Variants in SERGEF observed in about 807,000 individuals in gnomAD.
SERGEF encodes secretion-regulating guanine nucleotide exchange factor.
SERGEF carries 51 observed loss-of-function variants against 50.0 expected under a neutral mutation model. That is an observed-to-expected ratio of 1.02 (90% confidence interval 0.81 to 1.29). SERGEF has a LOEUF of 1.29. SERGEF is among the 50% of genes most tolerant of loss of function. The probability of loss-of-function intolerance (pLI) is 0.00; values close to 1 mark genes in which losing one functional copy is unlikely to be tolerated. For missense variants in SERGEF, 521 were observed against 557.0 expected (o/e 0.94, Z 0.65); for synonymous variants, 205 against 212.4 (o/e 0.97, Z 0.30).
chr11:17,843,753 A>C (rs956957692), intron 10 of SERGEF, among the ~76,000 whole-genome samples: 1 of 152,098 alleles, frequency 6.6e-6, no homozygotes, highest in African/African-American at 2.4e-5. Context: ...GGATAAAGAG[A>C]TGGGTAAGAT....
rs529051162 is a variant in SERGEF, at chr11:17,853,077, A to C, written c.1048+25131T>G. Among the ~76,000 whole-genome samples the C allele has an allele frequency of 4.6e-5, 7 of 152,284 alleles. No individual in the cohort carries two copies. The South Asian group carries it at 1.5e-3, about 32-fold the overall frequency. ...ATTTTTCAAGTCCCACCTTAGATATATACTACTACATAATTGTGTGACCCT... is the reference window on the plus strand; with the variant it reads ...ATTTTTCAAGTCCCACCTTAGATATCTACTACTACATAATTGTGTGACCCT... On this transcript the variant is annotated intron_variant, in intron 10 of 10. Transcript: ENST00000265965.
intron 9 of SERGEF, among the ~76,000 whole-genome samples, chr11:17,956,636 T>C (rs900157867): frequency 2.0e-5 from 3 of 152,176 alleles, no homozygotes; most frequent in Non-Finnish European, 4.4e-5. Context: ...CTCTCCTGCT[T>C]GGCTATCCTT....
At chr11:17,992,164 C>A (rs574378750) in intron 7 of SERGEF, among the ~76,000 whole-genome samples, 1 of 152,072 alleles carries the variant, frequency 6.6e-6, no homozygotes, top group African/African-American at 2.4e-5. Context: ...GATAAAAAAA[C>A]AGTTAAGACA....
At chr11:17,838,576 TC>T (rs1246193240) in intron 10 of SERGEF, among the ~76,000 whole-genome samples, 1 of 152,094 alleles carries the variant, frequency 6.6e-6, no homozygotes, top group East Asian at 1.9e-4. Flanking sequence ...ATCATCACCC[TC>T]CCAGGGAGAT....
chr11:17,846,325 C>A (rs1333242812), intron 10 of SERGEF, among the ~76,000 whole-genome samples: 3 of 152,170 alleles, frequency 2.0e-5, no homozygotes, highest in African/African-American at 7.2e-5. Flanking sequence ...CACGGCAGAA[C>A]AAGTGGGGCA....
intron 9 of SERGEF, among the ~76,000 whole-genome samples, chr11:17,895,198 C>T (rs928664210): frequency 2.0e-5 from 3 of 152,226 alleles, no homozygotes; most frequent in South Asian, 2.1e-4. Flanking sequence ...AGCCCCTCAC[C>T]GTAAGGATCA....
intron 10 of SERGEF, among the ~76,000 whole-genome samples, chr11:17,877,273 T>C (rs1251156079): frequency 1.3e-5 from 2 of 152,160 alleles, no homozygotes; most frequent in Non-Finnish European, 2.9e-5. Context: ...AGTCCTAAAA[T>C]ATCAGAGCTG....
chr11:17,996,243 AG>A (rs1238439980), intron 5 of SERGEF, among the ~76,000 whole-genome samples: 2 of 152,184 alleles, frequency 1.3e-5, no homozygotes, highest in Non-Finnish European at 2.9e-5. Flanking sequence ...CTCAGATCCC[AG>A]ACAAAGCAGA....
At chr11:17,892,916 T>G (rs2133912168) in intron 9 of SERGEF, among the ~76,000 whole-genome samples, 1 of 152,360 alleles carries the variant, frequency 6.6e-6, no homozygotes, top group South Asian at 2.1e-4. Flanking sequence ...TGGTGATTTA[T>G]GGCTTGGACA....
intron 9 of SERGEF, among the ~76,000 whole-genome samples, chr11:17,901,746 C>CATA (rs1851752326): frequency 6.6e-6 from 1 of 152,174 alleles, no homozygotes; most frequent in East Asian, 1.9e-4. Context: ...TTGACAGCAC[C>CATA]ATAACTACAG....
chr11:17,960,269 G>A (rs1852969857), intron 8 of SERGEF, among the ~76,000 whole-genome samples: 1 of 152,186 alleles, frequency 6.6e-6, no homozygotes, highest in Admixed American at 6.5e-5. Context: ...AAACCATTTG[G>A]AGCCAGAAAA....
chr11:17,946,293 C>G (rs1447925323), intron 9 of SERGEF, among the ~76,000 whole-genome samples: 1 of 152,170 alleles, frequency 6.6e-6, no homozygotes, highest in East Asian at 1.9e-4. Flanking sequence ...TAACGACCAC[C>G]ACTGAGTCTC....
intron 10 of SERGEF, among the ~76,000 whole-genome samples, chr11:17,807,122 A>G (rs537448429): frequency 3.4e-4 from 52 of 152,162 alleles, no homozygotes; most frequent in Non-Finnish European, 5.7e-4. Context: ...TGTCTCCACA[A>G]CTTGCTCTGT....
At chr11:17,934,417 G>A (rs1159539535) in intron 9 of SERGEF, among the ~76,000 whole-genome samples, 3 of 152,048 alleles carry the variant, frequency 2.0e-5, no homozygotes, top group Non-Finnish European at 4.4e-5. Flanking sequence ...GTTCAATCTA[G>A]TTATTCATTC....
At chr11:17,855,510 T>A (rs1850801492) in intron 10 of SERGEF, 1 of 152,192 alleles carries the variant, frequency 6.6e-6, no homozygotes, top group Non-Finnish European at 1.5e-5. Flanking sequence ...ATATATTTGC[T>A]ATTTTTTCCT....
At chr11:17,834,554 A>G (rs1232057871) in intron 10 of SERGEF, among the ~76,000 whole-genome samples, 2 of 152,216 alleles carry the variant, frequency 1.3e-5, no homozygotes, top group Non-Finnish European at 2.9e-5. Flanking sequence ...ATAGAATTAA[A>G]TATATAAATG....
intron 9 of SERGEF, among the ~76,000 whole-genome samples, chr11:17,947,095 T>C (rs1852678006): frequency 6.6e-6 from 1 of 152,226 alleles, no homozygotes; most frequent in Non-Finnish European, 1.5e-5. Context: ...TACAATCAAA[T>C]ACTAATAGGT....
At chr11:17,963,304 G>T (rs1490757595) in intron 8 of SERGEF, among the ~76,000 whole-genome samples, 1 of 143,346 alleles carries the variant, frequency 7.0e-6, no homozygotes, top group African/African-American at 2.6e-5. Flanking sequence ...AAGTGCCATG[G>T]CTGGATCTGG....
intron 9 of SERGEF, among the ~76,000 whole-genome samples, chr11:17,957,939 T>C (rs1029119892): frequency 6.6e-6 from 1 of 152,160 alleles, no homozygotes; most frequent in African/African-American, 2.4e-5. Flanking sequence ...GTACAACTTG[T>C]AGAAGTATGG....
Sources: gnomAD v4.1 joint callset for allele counts (sites outside exome capture counted in the v4.1 genomes callset) on GRCh38, gnomAD v4.1.1 for gene constraint, MANE v1.5 for transcripts, NCBI Gene and HGNC (gene_info 2026-07-23, HGNC 2026-07-21) for gene names.